ANKRD6: variants seen among roughly 807,000 people sequenced by gnomAD.
ANKRD6 encodes ankyrin repeat domain 6.
A neutral mutation model predicts 82.3 loss-of-function variants in ANKRD6; 56 were observed. The observed-to-expected ratio is 0.68, with a 90% CI of 0.55 to 0.85. The LOEUF (loss-of-function observed/expected upper bound fraction) is 0.85, where lower values mean the gene tolerates loss of function less well. Among genes scored for constraint, ANKRD6 ranks in the 40% least tolerant of loss-of-function variants. ANKRD6 has a pLI of 0.00. For missense variants in ANKRD6, 852 were observed against 907.6 expected (o/e 0.94, Z 0.79); for synonymous variants, 347 against 352.1 (o/e 0.99, Z 0.16).
intron 9 of ANKRD6, among the ~76,000 whole-genome samples, chr6:89,618,650 CT>C (rs1242983841): frequency 6.6e-6 from 1 of 152,142 alleles, no homozygotes; most frequent in Non-Finnish European, 1.5e-5. Context: ...TTCTAGCCCC[CT>C]GAAACAACTG....
intron 1 of ANKRD6, among the ~76,000 whole-genome samples, chr6:89,516,751 A>G (rs936460343): frequency 1.7e-4 from 26 of 152,230 alleles, no homozygotes; most frequent in Admixed American, 1.7e-3. Context: ...TGCTGGGATT[A>G]CAGGTGTGAG....
At chr6:89,595,847 G>A (rs1172440521) in intron 2 of ANKRD6, 69 bp from the exon 3 acceptor site, 1 of 1,285,688 alleles carries the variant, frequency 7.8e-7, no homozygotes, top group Non-Finnish European at 1.1e-6. Flanking sequence ...CTTGCTCTAG[G>A]CCCTCTGTCT....
At chr6:89,442,967 T>G (rs1771612507) in intron 1 of ANKRD6, among the ~76,000 whole-genome samples, 1 of 152,212 alleles carries the variant, frequency 6.6e-6, no homozygotes, top group Admixed American at 6.5e-5. Flanking sequence ...AGAGACTCTT[T>G]GCAGAAGCAA....
intron 2 of ANKRD6, among the ~76,000 whole-genome samples, chr6:89,578,738 T>A (rs890846215): frequency 7.9e-5 from 12 of 152,158 alleles, no homozygotes; most frequent in African/African-American, 2.4e-4. Context: ...TACTATCTGG[T>A]TGAAATCCTT....
chr6:89,624,432 C>G lies in ANKRD6; in HGVS notation c.1219-107C>G, dbSNP rs1478958273. The G allele has an allele frequency of 2.2e-6, 3 of 1,360,048 alleles. No homozygotes were observed. The African/African-American group carries it at 4.4e-5, about 20-fold the overall frequency. 84.2% of individuals were successfully genotyped at this position (1,360,048 alleles called of 1,614,324 possible). A position where few individuals can be genotyped will look rare whatever the true frequency, so the allele number is the denominator to read the frequency against. The stretch of plus-strand genomic sequence containing the variant: ...TATGACAAGGATGAGCCTATCTCTT[C>G]CATCATCTCTATCCCCTGGTATACT... On this transcript the variant is annotated intron_variant, in intron 12 of 15. Coordinates refer to ENST00000339746, the MANE Select transcript of ANKRD6 (RefSeq NM_001242809.2).
intron 1 of ANKRD6, among the ~76,000 whole-genome samples, chr6:89,443,996 A>G (rs1223191325): frequency 1.3e-5 from 2 of 152,262 alleles, no homozygotes; most frequent in African/African-American, 4.8e-5. Flanking sequence ...TGAATGGTTT[A>G]TATCGGAGCT....
intron 1 of ANKRD6, among the ~76,000 whole-genome samples, chr6:89,487,418 A>G (rs1461152971): frequency 6.6e-6 from 1 of 152,232 alleles, no homozygotes; most frequent in Non-Finnish European, 1.5e-5. Context: ...TCTGAGCCAA[A>G]GAACAAACAG....
intron 1 of ANKRD6, among the ~76,000 whole-genome samples, chr6:89,458,926 C>T (rs980625888): frequency 1.3e-5 from 2 of 152,178 alleles, no homozygotes; most frequent in Non-Finnish European, 2.9e-5. Flanking sequence ...GGCAGCTACT[C>T]CTGCCATGCC....
intron 1 of ANKRD6, among the ~76,000 whole-genome samples, chr6:89,474,105 A>AC (rs1212482151): frequency 2.9e-5 from 4 of 136,380 alleles, no homozygotes; most frequent in African/African-American, 1.2e-4. Context: ...CCCTGTCTCA[A>AC]AAAAACAAAA....
chr6:89,471,363 A>C (rs1354773985), intron 1 of ANKRD6, among the ~76,000 whole-genome samples: 2 of 150,292 alleles, frequency 1.3e-5, no homozygotes, highest in African/African-American at 2.4e-5. Flanking sequence ...CAACAACAAA[A>C]AAAAAAAAAA....
chr6:89,618,938 A>C (rs977154398), intron 9 of ANKRD6, among the ~76,000 whole-genome samples: 3 of 152,220 alleles, frequency 2.0e-5, no homozygotes, highest in Admixed American at 1.3e-4. Flanking sequence ...TTTCCATCTT[A>C]TTCTGCAAGA....
intron 1 of ANKRD6, among the ~76,000 whole-genome samples, chr6:89,464,476 G>T (rs1339123667): frequency 6.6e-6 from 1 of 152,136 alleles, no homozygotes; most frequent in South Asian, 2.1e-4. Context: ...AACTGCAAGC[G>T]CTTATATCTG....
chr6:89,513,094 T>C (rs564916910), intron 1 of ANKRD6, among the ~76,000 whole-genome samples: 2 of 152,110 alleles, frequency 1.3e-5, no homozygotes, highest in Admixed American at 6.5e-5. Flanking sequence ...CTGGCTAAAT[T>C]TGAAAAAGTA....
At chr6:89,505,902 C>T (rs1446881582) in intron 1 of ANKRD6, among the ~76,000 whole-genome samples, 1 of 152,180 alleles carries the variant, frequency 6.6e-6, no homozygotes, top group African/African-American at 2.4e-5. Flanking sequence ...GAGAGCCTGC[C>T]ATTTGCGAAA....
At chr6:89,541,346 T>C (rs1583177397) in intron 1 of ANKRD6, among the ~76,000 whole-genome samples, 1 of 151,578 alleles carries the variant, frequency 6.6e-6, no homozygotes, top group Non-Finnish European at 1.5e-5. Flanking sequence ...CTTTCACTTC[T>C]TTGGTTAAGT....
chr6:89,578,156 G>A (rs1791569960), intron 2 of ANKRD6, among the ~76,000 whole-genome samples: 1 of 152,140 alleles, frequency 6.6e-6, no homozygotes, highest in Non-Finnish European at 1.5e-5. Context: ...AGTTTAAATA[G>A]GCAAGTCTAC....
At chr6:89,575,787 C>T (rs1026109386) in intron 2 of ANKRD6, among the ~76,000 whole-genome samples, 1 of 152,174 alleles carries the variant, frequency 6.6e-6, no homozygotes, top group Non-Finnish European at 1.5e-5. Context: ...CAGATGAGAA[C>T]TGGAATGTCC....
intron 1 of ANKRD6, among the ~76,000 whole-genome samples, chr6:89,501,879 T>G (rs1465074408): frequency 6.6e-6 from 1 of 151,906 alleles, no homozygotes; most frequent in East Asian, 1.9e-4. Context: ...AACTGAGTGG[T>G]AGGAATAATA....
At chr6:89,454,345 CT>C (rs1251027771) in intron 1 of ANKRD6, among the ~76,000 whole-genome samples, 1 of 152,182 alleles carries the variant, frequency 6.6e-6, no homozygotes. Flanking sequence ...CTTTGCTACA[CT>C]TTCATCTTTG....
Sources: gnomAD v4.1 joint callset for allele counts (sites outside exome capture counted in the v4.1 genomes callset) on GRCh38, gnomAD v4.1.1 for gene constraint, MANE v1.5 for transcripts, NCBI Gene and HGNC (gene_info 2026-07-23, HGNC 2026-07-21) for gene names.